Variants in GPT2 observed in about 807,000 individuals in gnomAD.
The protein encoded by GPT2 is glutamic--pyruvic transaminase 2, also known as alanine aminotransferase 2.
Under a neutral mutation model 56.9 loss-of-function variants are expected in GPT2, and 30 were observed. The ratio of observed to expected loss-of-function variants is 0.53; its 90% CI spans 0.39 to 0.72. GPT2 has a LOEUF of 0.72. Among genes scored for constraint, GPT2 ranks in the 30% least tolerant of loss-of-function variants. The pLI is 0.00. For missense variants in GPT2, 542 were observed against 703.4 expected (o/e 0.77, Z 2.60); for synonymous variants, 271 against 283.1 (o/e 0.96, Z 0.43).
intron 4 of GPT2, among the ~76,000 whole-genome samples, chr16:46,905,070 T>TG (rs1960893514): frequency 6.6e-6 from 1 of 151,938 alleles, no homozygotes; most frequent in South Asian, 2.1e-4. Context: ...TTTTTTTTTT[T>TG]TTTTTAAAGA....
At chr16:46,915,851 TACAC>T (rs1383766146) in intron 6 of GPT2, 2 of 125,312 alleles carry the variant, frequency 1.6e-5, no homozygotes, top group East Asian at 2.5e-4. Flanking sequence ...CCTACACACA[TACAC>T]AGACACATAC....
chr16:46,891,936 TG>T (rs1372198561), intron 2 of GPT2, among the ~76,000 whole-genome samples: 1 of 142,672 alleles, frequency 7.0e-6, no homozygotes, highest in African/African-American at 2.5e-5. Context: ...TCCCAGACTC[TG>T]GGAACCATCC....
Position 46,884,698 on chromosome 16 carries a change from T to C in GPT2, c.-18T>C. 7.3e-7 allele frequency: 1 copy of C among 1,372,908 alleles called. No individual in the cohort carries two copies. Among genetic ancestry groups the C allele is most frequent in the Non-Finnish European group, 9.4e-7 (1 of 1,061,142 alleles). The allele number at this position is 1,372,908 out of a possible 1,614,324, so 85.0% of individuals were successfully genotyped here. A position where few individuals can be genotyped will look rare whatever the true frequency, so the allele number is the denominator to read the frequency against. On this transcript the variant is annotated 5_prime_UTR_variant, in exon 2 of 12. Coordinates refer to ENST00000340124, the MANE Select transcript of GPT2 (RefSeq NM_133443.4). ...CTTTTTCTCTTTTTGTGCCAGGGTT[T>C]CTCTCCGCAAGCGCGCGATGCAGCG...
At chr16:46,910,026 C>T in intron 6 of GPT2, 99 bp downstream of exon 6, 1 of 1,407,038 alleles carries the variant, frequency 7.1e-7, no homozygotes, top group Non-Finnish European at 9.6e-7. Context: ...GGTCTCTCTG[C>T]CCCTAGTTTC....
Position 46,922,434 on chromosome 16 carries a change from C to T in GPT2, c.1212+18C>T, listed in dbSNP as rs773582503. The T allele has an allele frequency of 1.8e-5, 28 of 1,584,294 alleles. No individual in the cohort carries two copies. Among genetic ancestry groups the T allele is most frequent in the Non-Finnish European group, 2.1e-5 (25 of 1,164,900 alleles). On this transcript the variant is annotated intron_variant, in intron 9 of 11. Coordinates refer to ENST00000340124, the MANE Select transcript of GPT2 (RefSeq NM_133443.4). ...TCAGCCGAGTGAGTCCACTGTGATG[C>T]GTCTGCACCCCTGTGGCCGGGGTCA...
chr16:46,927,365 G>A (rs1961439285), intron 11 of GPT2, among the ~76,000 whole-genome samples: 1 of 152,166 alleles, frequency 6.6e-6, no homozygotes, highest in Non-Finnish European at 1.5e-5. Context: ...TCAACTCTGC[G>A]ATGGCAGCAC....
chr16:46,891,619 G>A (rs992577631), intron 2 of GPT2, among the ~76,000 whole-genome samples: 1 of 152,106 alleles, frequency 6.6e-6, no homozygotes, highest in African/African-American at 2.4e-5. Flanking sequence ...AAAGTGCTGG[G>A]ATTACAGGTG....
chr16:46,908,457 T>C (rs1960981063), intron 5 of GPT2, among the ~76,000 whole-genome samples: 1 of 152,154 alleles, frequency 6.6e-6, no homozygotes, highest in Non-Finnish European at 1.5e-5. Context: ...TGCTGGGTGC[T>C]GTCAACTCAT....
intron 4 of GPT2, among the ~76,000 whole-genome samples, chr16:46,901,064 A>G (rs1960808154): frequency 6.6e-6 from 1 of 152,222 alleles, no homozygotes; most frequent in Non-Finnish European, 1.5e-5. Flanking sequence ...CTCATTGGAC[A>G]GCAGCTGAGC....
intron 2 of GPT2, among the ~76,000 whole-genome samples, chr16:46,896,563 G>A (rs1960689699): frequency 6.6e-6 from 1 of 152,116 alleles, no homozygotes; most frequent in Non-Finnish European, 1.5e-5. Flanking sequence ...CGATGGGGAG[G>A]GTGTCCTCAG....
At chr16:46,900,033 GGTGTCA>G (rs1960786196) in intron 3 of GPT2, among the ~76,000 whole-genome samples, 1 of 152,206 alleles carries the variant, frequency 6.6e-6, no homozygotes, top group Non-Finnish European at 1.5e-5. Context: ...TCACCCCACT[GGTGTCA>G]GAGCCACAAG....
At position 46,918,734 on chromosome 16, in the gene GPT2, C is replaced by T. The variant is rs1567342128; in HGVS notation, c.1014C>T (p.Ser338=). 1 of 1,614,168 alleles carries T rather than the reference C, an allele frequency of 6.2e-7. No individual in the cohort carries two copies. Among genetic ancestry groups the T allele is most frequent in the Non-Finnish European group, 8.5e-7 (1 of 1,180,030 alleles). ...SSNVELASFH[S]TSKGYMGECG... ...ACGTGGAGCTCGCCTCCTTCCACTC[C>T]ACCTCCAAGGGCTACATGGGCGAGT... The change falls in exon 8 of 12, where the codon TCC becomes TCT. Residue 338 remains serine (S), a synonymous_variant. Coordinates refer to ENST00000340124, the MANE Select transcript of GPT2 (RefSeq NM_133443.4).
intron 5 of GPT2, among the ~76,000 whole-genome samples, chr16:46,907,878 C>G (rs1960965852): frequency 6.6e-6 from 1 of 152,166 alleles, no homozygotes; most frequent in African/African-American, 2.4e-5. Flanking sequence ...TCGGGGAGGG[C>G]TGGGGCCAGT....
At chr16:46,895,833 A>C (rs368555979) in intron 2 of GPT2, among the ~76,000 whole-genome samples, 1 of 152,218 alleles carries the variant, frequency 6.6e-6, no homozygotes, top group African/African-American at 2.4e-5. Flanking sequence ...ACGTCCAGCC[A>C]CTGGTTTTTA....
intron 11 of GPT2, among the ~76,000 whole-genome samples, 176 bp from the exon 12 acceptor site, chr16:46,928,731 C>A (rs1416785587): frequency 3.3e-5 from 5 of 152,086 alleles, no homozygotes; most frequent in Non-Finnish European, 7.3e-5. Flanking sequence ...GGTGAAAAAA[C>A]CAACATGTGA....
intron 7 of GPT2, 116 bp from the exon 8 acceptor site, chr16:46,918,505 G>T: frequency 1.7e-6 from 2 of 1,181,338 alleles, no homozygotes; most frequent in Non-Finnish European, 1.2e-6. Context: ...GGCACAGGAG[G>T]CTGGGCCGGC....
intron 4 of GPT2, among the ~76,000 whole-genome samples, chr16:46,904,947 C>T (rs1051741870): frequency 6.6e-6 from 1 of 152,074 alleles, no homozygotes; most frequent in African/African-American, 2.4e-5. Flanking sequence ...CACAAGTTAA[C>T]GTTTGCCAGT....
Position 46,906,862 on chromosome 16 carries a change from G to T in GPT2, c.463G>T (p.Gly155Cys), listed in dbSNP as rs780917222. 6.2e-7 allele frequency: 1 copy of T among 1,614,188 alleles called. No individual in the cohort carries two copies. Among genetic ancestry groups the T allele is most frequent in the Non-Finnish European group, 8.5e-7 (1 of 1,180,044 alleles). The change falls in exon 5 of 12, where the codon GGT becomes TGT. Residue 155 changes from glycine (G) to cysteine (C), a missense_variant. Coordinates refer to ENST00000340124, the MANE Select transcript of GPT2 (RefSeq NM_133443.4). ...TACAGGGTCCTACAGTGCTAGCCAG[G>T]GTGTCAACTGCATCCGTGAAGATGT... Reference protein sequence around the residue: ...NSLGSYSASQGVNCIREDVAA... With the variant: ...NSLGSYSASQCVNCIREDVAA...
intron 3 of GPT2, among the ~76,000 whole-genome samples, chr16:46,900,179 T>A (rs1351516550): frequency 6.6e-6 from 1 of 151,794 alleles, no homozygotes; most frequent in Admixed American, 6.6e-5. Context: ...GTTGGGGTGA[T>A]GTTCTCTGTT....
Sources: allele counts gnomAD v4.1 joint callset (sites outside exome capture counted in the v4.1 genomes callset), GRCh38; gene constraint gnomAD v4.1.1; transcripts MANE v1.5; gene names NCBI Gene and HGNC (gene_info 2026-07-23, HGNC 2026-07-21).